FLNB: variants seen among roughly 807,000 people sequenced by gnomAD.
The protein encoded by FLNB is filamin-B.
Under a neutral mutation model 250.6 loss-of-function variants are expected in FLNB, and 111 were observed. The observed-to-expected ratio is 0.44, with a 90% CI of 0.38 to 0.52. The LOEUF (loss-of-function observed/expected upper bound fraction) is 0.52. Ranked by LOEUF, FLNB falls within the 20% of genes least tolerant of loss-of-function variation. FLNB has a pLI of 0.00. For missense variants in FLNB, 2,869 were observed against 3,447.8 expected, an observed-to-expected ratio of 0.83 and a Z score of 4.20; for synonymous variants, 1,302 against 1,372.1, an observed-to-expected ratio of 0.95 and a Z score of 1.13.
chr3:58,109,464 G>A, intron 14 of FLNB, 112 bp from the exon 15 acceptor site: 1 of 1,601,960 alleles, frequency 6.2e-7, no homozygotes, highest in Non-Finnish European at 8.5e-7. Context: ...GGGCCCGAAG[G>A]GCAGAGTGCT....
At position 58,153,591 on chromosome 3, in the gene FLNB, A is replaced by G; in HGVS notation, c.6584A>G (p.Lys2195Arg). 1 of 1,614,128 alleles carries G rather than the reference A, an allele frequency of 6.2e-7. No homozygotes were observed. Among genetic ancestry groups the G allele is most frequent in the Non-Finnish European group, 8.5e-7 (1 of 1,180,030 alleles). Residue 2195 changes from lysine to arginine, a missense_variant, in exon 39 of 46, where the codon AAG (lysine) becomes AGG (arginine). By Grantham distance (26) the Lys-to-Arg change is conservative. Around this residue, in one of 5 missense-constraint regions of FLNB, gnomAD observed 1,084 missense variants for 1,315.5 expected, o/e 0.82. Coordinates refer to ENST00000295956, the MANE Select transcript of FLNB (RefSeq NM_001457.4). ...CCACTTGGTGAAGGAGGCGCCCACA[A>G]GGTGCGGGCAGGAGGCCCTGGCCTG... Reference protein sequence around the residue: ...VGPLGEGGAHKVRAGGPGLER... With the variant: ...VGPLGEGGAHRVRAGGPGLER...
At chr3:58,152,468 A>G (rs2097346678) in intron 38 of FLNB, among the ~76,000 whole-genome samples, 1 of 152,164 alleles carries the variant, frequency 6.6e-6, no homozygotes, top group African/African-American at 2.4e-5. Context: ...TTGTATCCTC[A>G]CATGCTGGAG....
chr3:58,155,946 T>C lies in FLNB; in HGVS notation c.6773-14T>C. The C allele has an allele frequency of 6.3e-7, 1 of 1,579,638 alleles. No individual in the cohort carries two copies. The highest frequency in any genetic ancestry group is 1.1e-5 in the South Asian group (1 of 90,382). ...CAGAGTCTCTGAAATGATGGGACTT[T>C]CCTGTCCTCATAGGTAACTACGAGG... On this transcript the variant is annotated splice_polypyrimidine_tract_variant and intron_variant, in intron 40 of 45. Coordinates refer to ENST00000295956, the MANE Select transcript of FLNB (RefSeq NM_001457.4).
At chr3:58,081,981 T>C (rs1321230263) in intron 4 of FLNB, among the ~76,000 whole-genome samples, 5 of 152,204 alleles carry the variant, frequency 3.3e-5, no homozygotes, top group Non-Finnish European at 7.3e-5. Context: ...TCTGCTTAGA[T>C]GGAAAGGGCA....
rs569378710 is a variant in FLNB at position 58,112,168 on chromosome 3, G to T, written c.2595G>T (p.Pro865=). Reference sequence around the variant, plus strand: ...TTCCAGGTGTGGAAAATGGGAAACCGACCCACTTCACTGTCTACACCAAGG... The same window carrying T: ...TTCCAGGTGTGGAAAATGGGAAACCTACCCACTTCACTGTCTACACCAAGG... ...LSKAGVENGK[P]THFTVYTKGA... The change falls in exon 18 of 46, where the codon CCG becomes CCT. Residue 865 remains proline, a synonymous_variant. Transcript: ENST00000295956. The T allele has an allele frequency of 7.4e-6, 12 of 1,613,978 alleles. 1 individual carries two copies. In the Admixed American group the frequency reaches 2.0e-4, roughly 27 times the overall value.
At chr3:58,053,784 G>C (rs972934714) in intron 1 of FLNB, among the ~76,000 whole-genome samples, 1 of 152,108 alleles carries the variant, frequency 6.6e-6, no homozygotes, top group African/African-American at 2.4e-5. Context: ...TTTTTTAAAT[G>C]AAAGTGTGTT....
intron 1 of FLNB, among the ~76,000 whole-genome samples, chr3:58,068,097 G>C (rs548014647): frequency 6.6e-6 from 1 of 152,332 alleles, no homozygotes; most frequent in South Asian, 2.1e-4. Flanking sequence ...CATGCCCACT[G>C]TTCAGGTCCT....
Position 58,008,758 on chromosome 3 carries a change from A to C in FLNB, c.194A>C (p.Lys65Thr), listed in dbSNP as rs775339823. ...EVLSQKRMYR[K>T]YHQRPTFRQM... ...CTCAGCCAGAAGCGCATGTACCGCA[A>C]GTACCATCAGCGGCCCACCTTTCGC... The change falls in exon 1 of 46, where the codon AAG becomes ACG. Residue 65 changes from lysine to threonine, a missense_variant. Lys to Thr is a moderately conservative substitution (Grantham distance 78). This residue lies in a region of FLNB where 308 missense variants were observed against 466.1 expected (regional missense o/e 0.66). Coordinates refer to ENST00000295956, the MANE Select transcript of FLNB (RefSeq NM_001457.4). 1.9e-6 allele frequency: 3 copies of C among 1,614,054 alleles called. No individual in the cohort carries two copies. The South Asian group carries it at 3.3e-5, about 18-fold the overall frequency.
At position 58,142,882 on chromosome 3, in the gene FLNB, T is replaced by G; in HGVS notation, c.5284+130T>G. 3 of 781,584 alleles carry G rather than the reference T, an allele frequency of 3.8e-6. No homozygotes were observed. The highest frequency in any genetic ancestry group is 6.6e-6 in the Non-Finnish European group (3 of 455,748). The allele number at this position is 781,584 out of a possible 1,614,324, so 48.4% of individuals were successfully genotyped here. A position where few individuals can be genotyped will look rare whatever the true frequency, so the allele number is the denominator to read the frequency against. ...AACCCAGGGTCACGAGTTCTTGGTC[T>G]CCGGTGTTGGGCCGTGGGCTCCTGA... On this transcript the variant is annotated intron_variant, in intron 31 of 45. Coordinates refer to ENST00000295956, the MANE Select transcript of FLNB (RefSeq NM_001457.4). The surrounding 1 kb of genome is among the most constrained non-coding windows in gnomAD (Gnocchi z 4.3).
chr3:58,149,270 A>G (rs1400497468), intron 36 of FLNB: 1 of 281,384 alleles, frequency 3.6e-6, no homozygotes, highest in African/African-American at 2.2e-5. Context: ...TCTCTTTGAG[A>G]TGGTTTGAGT....
Position 58,106,936 on chromosome 3 carries a change from C to T in FLNB, c.1941+63C>T, listed in dbSNP as rs541543012. On this transcript the variant is annotated intron_variant, in intron 12 of 45. Transcript: ENST00000295956. ...GCCCCTGGTTCCTCACCCCCATGCC[C>T]GAAGTTGCCTTAAGCAGCATGTTGA... 1.6e-5 allele frequency: 23 copies of T among 1,421,984 alleles called. No individual in the cohort carries two copies. In the South Asian group the frequency reaches 2.2e-4, roughly 14 times the overall value. The allele number at this position is 1,421,984 out of a possible 1,614,324, so 88.1% of individuals were successfully genotyped here.
intron 1 of FLNB, among the ~76,000 whole-genome samples, chr3:58,072,844 G>T (rs1013749964): frequency 2.0e-5 from 3 of 152,138 alleles, no homozygotes; most frequent in Non-Finnish European, 4.4e-5. Flanking sequence ...ACTTCAACTG[G>T]ATCATATTTC....
Position 58,169,483 on chromosome 3 carries a change from C to T in FLNB, c.7418-107C>T, listed in dbSNP as rs111281532. ...GTGTGGTGGCTTTTGTGTTGGGGTG[C>T]GCGGGCTCTCCTGGGGTTACTGTGT... On this transcript the variant is annotated intron_variant, in intron 44 of 45. Transcript: ENST00000295956. This position sits in a 1 kb window ranked among gnomAD's most constrained non-coding sequence, Gnocchi z 4.8. 1,655 of 861,598 alleles carry T rather than the reference C, an allele frequency of 1.9e-3. 13 individuals carry two copies. In the African/African-American group the frequency reaches 0.022, roughly 12 times the overall value. 53.4% of individuals were successfully genotyped at this position (861,598 alleles called of 1,614,324 possible). A position where few individuals can be genotyped will look rare whatever the true frequency, so the allele number is the denominator to read the frequency against.
intron 43 of FLNB, among the ~76,000 whole-genome samples, chr3:58,167,736 G>GTGAC: frequency 6.6e-6 from 1 of 152,360 alleles, no homozygotes; most frequent in South Asian, 2.1e-4. Flanking sequence ...GTTGTGTAGC[G>GTGAC]TGACTGGCCC....
chr3:58,014,076 A>G (rs929135282), intron 1 of FLNB, among the ~76,000 whole-genome samples: 1 of 152,228 alleles, frequency 6.6e-6, no homozygotes, highest in Admixed American at 6.5e-5. Flanking sequence ...ATAATTTTTA[A>G]AGTGCTTGGC....
chr3:58,094,220 C>T (rs2097233703), intron 4 of FLNB, among the ~76,000 whole-genome samples: 1 of 152,222 alleles, frequency 6.6e-6, no homozygotes, highest in East Asian at 1.9e-4. Context: ...GCTGGGATTA[C>T]AGGCATGTGC....
Position 58,154,988 on chromosome 3 carries a change from G to A in FLNB, c.6772+60G>A. On this transcript the variant is annotated intron_variant, in intron 40 of 45. Transcript: ENST00000295956. ...TTGTTTGAACATGATTAGGTTGCAAGGAACAGAAATCCATCAAGTTTGCTG... is the reference window on the plus strand; with the variant it reads ...TTGTTTGAACATGATTAGGTTGCAAAGAACAGAAATCCATCAAGTTTGCTG... 2.6e-6 allele frequency: 4 copies of A among 1,557,266 alleles called. No individual in the cohort carries two copies. The South Asian group carries it at 4.5e-5, about 17-fold the overall frequency.
rs1412383937 is a variant in FLNB at position 58,135,921 on chromosome 3, C to CA, written c.4672-57dup. On this transcript the variant is annotated intron_variant, in intron 27 of 45. Transcript: ENST00000295956. ...AATTGGAAAATATGTCAGGGTTTTC[C>CA]ATGAATGTTTTCTACATCTTGACAA... The CA allele has an allele frequency of 1.3e-4, 206 of 1,560,262 alleles. 3 individuals carry two copies. In the South Asian group the frequency reaches 2.3e-3, roughly 17 times the overall value.
At chr3:58,037,510 C>G (rs1453312438) in intron 1 of FLNB, among the ~76,000 whole-genome samples, 12 of 152,186 alleles carry the variant, frequency 7.9e-5, no homozygotes, top group African/African-American at 2.7e-4. Flanking sequence ...TCCTCTTGAC[C>G]ACTCATTTTT....
Sources: gnomAD v4.1 joint callset for allele counts (sites outside exome capture counted in the v4.1 genomes callset) on GRCh38, gnomAD v4.1.1 for gene constraint, gnomAD v4.1.1 regional missense constraint, Gnocchi (gnomAD v3.1) non-coding constraint, MANE v1.5 for transcripts, NCBI Gene and HGNC (gene_info 2026-07-23, HGNC 2026-07-21) for gene names.